NDRG3: variants seen among roughly 807,000 people sequenced by gnomAD.
NDRG3 encodes NDRG family member 3.
In NDRG3, 23 loss-of-function variants were observed where a neutral mutation model predicts 57.2. The observed-to-expected ratio is 0.40, with a 90% CI of 0.29 to 0.57. The LOEUF is 0.57. Ranked by LOEUF, NDRG3 falls within the 20% of genes least tolerant of loss-of-function variation. The pLI is 0.42. For synonymous variants in NDRG3, 132 were observed against 162.6 expected, an observed-to-expected ratio of 0.81 and a Z score of 1.43; for missense variants, 384 against 457.3, an observed-to-expected ratio of 0.84 and a Z score of 1.46.
intron 8 of NDRG3, among the ~76,000 whole-genome samples, chr20:36,672,862 A>G (rs1302245557): frequency 6.6e-6 from 1 of 151,886 alleles, no homozygotes; most frequent in African/African-American, 2.4e-5. Context: ...CATATTAAGA[A>G]AGAATTAGGA....
chr20:36,687,372 T>C, intron 5 of NDRG3, 120 bp downstream of exon 5: 1 of 1,260,772 alleles, frequency 7.9e-7, no homozygotes, highest in Non-Finnish European at 1.1e-6. Flanking sequence ...GGTTGGTCAA[T>C]AAGCATAACC....
intron 1 of NDRG3, among the ~76,000 whole-genome samples, chr20:36,722,209 A>G (rs1190718123): frequency 6.6e-6 from 1 of 152,158 alleles, no homozygotes; most frequent in Non-Finnish European, 1.5e-5. Flanking sequence ...CAGCAGAAAG[A>G]CAGCAAGAAA....
chr20:36,699,085 G>A (rs540340843), intron 3 of NDRG3, among the ~76,000 whole-genome samples: 160 of 152,078 alleles, frequency 1.1e-3, no homozygotes, highest in East Asian at 4.2e-3. Context: ...AGGACTACAG[G>A]CGCATACTGC....
Position 36,684,494 on chromosome 20 carries a change from T to A in NDRG3, c.321-19A>T. 6.2e-7 allele frequency: 1 copy of A among 1,607,194 alleles called. No individual in the cohort carries two copies. Among genetic ancestry groups the A allele is most frequent in the South Asian group, 1.1e-5 (1 of 90,932 alleles). ...CTGATACCTGCAATCCAGAAGGATA[T>A]CTCCTGAATTAGAAAGCACTCACAA... On this transcript the variant is annotated intron_variant, in intron 5 of 15. Coordinates refer to ENST00000349004, the MANE Select transcript of NDRG3 (RefSeq NM_032013.4).
At chr20:36,684,941 T>C (rs1211704418) in intron 5 of NDRG3, among the ~76,000 whole-genome samples, 1 of 152,180 alleles carries the variant, frequency 6.6e-6, no homozygotes, top group African/African-American at 2.4e-5. Context: ...TGTGGCATAT[T>C]GTGTAACTCT....
At chr20:36,712,449 G>A (rs1983948846) in intron 2 of NDRG3, among the ~76,000 whole-genome samples, 1 of 129,474 alleles carries the variant, frequency 7.7e-6, no homozygotes, top group Non-Finnish European at 1.6e-5. Context: ...AGCCTGGAAT[G>A]CAGTCGCATG....
intron 3 of NDRG3, among the ~76,000 whole-genome samples, chr20:36,693,789 C>G (rs1269836365): frequency 6.6e-6 from 1 of 151,604 alleles, no homozygotes. Flanking sequence ...CATCTAGTTG[C>G]AGGAAAACAA....
At chr20:36,682,781 G>GT (rs1462985062) in intron 6 of NDRG3, among the ~76,000 whole-genome samples, 1 of 152,238 alleles carries the variant, frequency 6.6e-6, no homozygotes, top group African/African-American at 2.4e-5. Flanking sequence ...GCTGGGCGCA[G>GT]TGGCTTACGC....
At chr20:36,731,419 T>C (rs1985276035) in intron 1 of NDRG3, among the ~76,000 whole-genome samples, 1 of 152,198 alleles carries the variant, frequency 6.6e-6, no homozygotes. Context: ...CCATTAACTT[T>C]GGACAGTAAA....
intron 1 of NDRG3, among the ~76,000 whole-genome samples, chr20:36,745,637 T>A (rs1452783273): frequency 6.6e-6 from 1 of 152,216 alleles, no homozygotes; most frequent in Non-Finnish European, 1.5e-5. Context: ...ACGGCCCCTC[T>A]TCCAAGCATC....
intron 3 of NDRG3, among the ~76,000 whole-genome samples, chr20:36,705,118 G>A (rs529049995): frequency 6.6e-6 from 1 of 151,556 alleles, no homozygotes; most frequent in African/African-American, 2.4e-5. Flanking sequence ...TCAGGGGTTC[G>A]AGACCATCCT....
intron 1 of NDRG3, among the ~76,000 whole-genome samples, chr20:36,731,006 AG>A (rs1487980807): frequency 6.6e-6 from 1 of 152,134 alleles, no homozygotes; most frequent in Non-Finnish European, 1.5e-5. Flanking sequence ...ATTTTGCCAA[AG>A]TTTTCAGTTG....
chr20:36,664,983 C>T (rs1489437084), intron 12 of NDRG3, 63 bp downstream of exon 12: 1 of 1,518,776 alleles, frequency 6.6e-7, no homozygotes, highest in Admixed American at 1.7e-5. Context: ...GCCACTGCAC[C>T]TGGCCTACAC....
chr20:36,691,063 T>C (rs1982228319), intron 3 of NDRG3, among the ~76,000 whole-genome samples: 1 of 152,266 alleles, frequency 6.6e-6, no homozygotes, highest in South Asian at 2.1e-4. Flanking sequence ...GAAGCCTGTA[T>C]CTATCTTACA....
At chr20:36,680,207 C>T (rs1233212390) in intron 8 of NDRG3, among the ~76,000 whole-genome samples, 1 of 151,296 alleles carries the variant, frequency 6.6e-6, no homozygotes, top group East Asian at 2.0e-4. Context: ...ACCAGACAGG[C>T]TGGGTGCGGT....
intron 9 of NDRG3, among the ~76,000 whole-genome samples, chr20:36,670,963 C>T (rs1980099026): frequency 6.6e-6 from 1 of 152,210 alleles, no homozygotes; most frequent in Admixed American, 6.6e-5. Context: ...ACAAGATAAT[C>T]TCTAAGCTTC....
chr20:36,716,362 A>T (rs1984276551), intron 2 of NDRG3, among the ~76,000 whole-genome samples: 1 of 152,022 alleles, frequency 6.6e-6, no homozygotes. Flanking sequence ...GCAAAACCCC[A>T]TCTCTACTAA....
At chr20:36,658,067 T>C (rs1978833538) in intron 13 of NDRG3, among the ~76,000 whole-genome samples, 2 of 152,186 alleles carry the variant, frequency 1.3e-5, no homozygotes, top group Admixed American at 6.5e-5. Context: ...TTGTAGGGTT[T>C]AGTTTTATGC....
intron 2 of NDRG3, among the ~76,000 whole-genome samples, 188 bp downstream of exon 2, chr20:36,721,491 C>T (rs1266888747): frequency 6.6e-6 from 1 of 151,452 alleles, no homozygotes; most frequent in Non-Finnish European, 1.5e-5. Context: ...ATTGCACCAC[C>T]GCACTCCAGC....
Sources: gnomAD v4.1 joint callset for allele counts (sites outside exome capture counted in the v4.1 genomes callset) on GRCh38, gnomAD v4.1.1 for gene constraint, MANE v1.5 for transcripts, NCBI Gene and HGNC (gene_info 2026-07-23, HGNC 2026-07-21) for gene names.